Variants in NCKAP5 observed in about 807,000 individuals in gnomAD.
NCKAP5 encodes the protein NCK associated protein 5.
NCKAP5 carries 92 observed loss-of-function variants against 167.0 expected under a neutral mutation model. The observed-to-expected ratio is 0.55, with a 90% CI of 0.47 to 0.66. NCKAP5 has a LOEUF of 0.66. NCKAP5 is among the 30% of genes least tolerant of loss of function. The pLI is 0.00. For synonymous variants in NCKAP5, 891 were observed against 877.4 expected, an observed-to-expected ratio of 1.02 and a Z score of -0.27; for missense variants, 2,378 against 2,315.0, an observed-to-expected ratio of 1.03 and a Z score of -0.56.
At chr2:133,171,081 C>T (rs574917499) in intron 5 of NCKAP5, among the ~76,000 whole-genome samples, 6 of 152,116 alleles carry the variant, frequency 3.9e-5, no homozygotes, top group East Asian at 1.9e-4. Flanking sequence ...TACTTTCTCA[C>T]GCTAGAATTC....
intron 11 of NCKAP5, among the ~76,000 whole-genome samples, chr2:132,804,305 T>G (rs1419499060): frequency 1.3e-5 from 2 of 152,218 alleles, no homozygotes; most frequent in Non-Finnish European, 2.9e-5. Context: ...CAGCACAGCC[T>G]GAGCCTATTC....
chr2:132,740,382 TA>T (rs1355132921), intron 16 of NCKAP5, among the ~76,000 whole-genome samples: 4 of 152,136 alleles, frequency 2.6e-5, no homozygotes, highest in Admixed American at 2.6e-4. Context: ...AGCAGAAACT[TA>T]AACTACAGAT....
At chr2:132,960,081 G>T (rs541178495) in intron 8 of NCKAP5, among the ~76,000 whole-genome samples, 1 of 152,300 alleles carries the variant, frequency 6.6e-6, no homozygotes, top group South Asian at 2.1e-4. Flanking sequence ...ACCATGAAAA[G>T]CTGGCAACAG....
chr2:132,920,763 ATATGTATG>A (rs1558943135), intron 8 of NCKAP5, among the ~76,000 whole-genome samples: 2 of 69,262 alleles, frequency 2.9e-5, no homozygotes, highest in Non-Finnish European at 5.1e-5. Context: ...ATATGTATAT[ATATGTATG>A]TATATATATA....
At chr2:133,323,517 A>G (rs1682214792) in intron 3 of NCKAP5, among the ~76,000 whole-genome samples, 1 of 152,186 alleles carries the variant, frequency 6.6e-6, no homozygotes, top group South Asian at 2.1e-4. Flanking sequence ...AAGAGGAGAG[A>G]ATGATTATAT....
At chr2:133,377,584 G>A (rs1199179676) in intron 3 of NCKAP5, among the ~76,000 whole-genome samples, 1 of 151,760 alleles carries the variant, frequency 6.6e-6, no homozygotes. Flanking sequence ...CTAAGGTAGA[G>A]CAATTTGAAG....
chr2:132,920,719 G>GTTAGTT (rs1558942700), intron 8 of NCKAP5, among the ~76,000 whole-genome samples: 32 of 64,688 alleles, frequency 4.9e-4, no homozygotes, highest in African/African-American at 1.8e-3. Context: ...GTATATATAT[G>GTTAGTT]TATATATATA....
Position 133,027,185 on chromosome 2 carries a change from T to C in NCKAP5, c.342-32946A>G, listed in dbSNP as rs180995490. 5.9e-5 allele frequency among the ~76,000 whole-genome samples: 9 copies of C among 152,280 alleles called. No homozygotes were observed. The East Asian group carries it at 7.7e-4, about 13-fold the overall frequency. ...TTAATATGACTATGACAAGAAAACATGACAAGCGTCAAGGTCTGATGGTTC... is the reference window on the plus strand; with the variant it reads ...TTAATATGACTATGACAAGAAAACACGACAAGCGTCAAGGTCTGATGGTTC... On this transcript the variant is annotated intron_variant, in intron 6 of 19. Coordinates refer to ENST00000409261, the MANE Select transcript of NCKAP5 (RefSeq NM_207363.3).
chr2:133,305,147 C>G (rs1383306994), intron 3 of NCKAP5, among the ~76,000 whole-genome samples: 2 of 152,154 alleles, frequency 1.3e-5, no homozygotes, highest in Non-Finnish European at 2.9e-5. Context: ...GACAGTTAGG[C>G]AGGACCAAAT....
chr2:132,678,913 GT>G (rs1167824467), intron 19 of NCKAP5, among the ~76,000 whole-genome samples: 1 of 151,944 alleles, frequency 6.6e-6, no homozygotes, highest in Non-Finnish European at 1.5e-5. Context: ...TACATTAAAG[GT>G]TTTTTTGAAT....
intron 8 of NCKAP5, among the ~76,000 whole-genome samples, chr2:132,946,908 A>T (rs1211544127): frequency 2.6e-5 from 4 of 152,190 alleles, no homozygotes; most frequent in African/African-American, 9.6e-5. Flanking sequence ...AAAATAAAAA[A>T]GTTTGTATAT....
intron 3 of NCKAP5, among the ~76,000 whole-genome samples, chr2:133,443,989 T>G (rs1203410609): frequency 6.6e-6 from 1 of 152,248 alleles, no homozygotes; most frequent in Non-Finnish European, 1.5e-5. Context: ...AACAAGTGTA[T>G]GCTTTTGTGA....
intron 4 of NCKAP5, among the ~76,000 whole-genome samples, chr2:133,240,460 GC>G (rs898460808): frequency 1.3e-5 from 2 of 152,024 alleles, no homozygotes; most frequent in Admixed American, 6.6e-5. Context: ...CATCTCTGAT[GC>G]CCCCCAAAGT....
intron 2 of NCKAP5, among the ~76,000 whole-genome samples, chr2:133,526,142 A>C (rs1184827904): frequency 6.6e-6 from 1 of 150,706 alleles, no homozygotes; most frequent in African/African-American, 2.4e-5. Context: ...CAAAAGAAGA[A>C]GGGAGGAACA....
At chr2:133,485,619 T>A (rs1044214212) in intron 3 of NCKAP5, among the ~76,000 whole-genome samples, 5 of 152,166 alleles carry the variant, frequency 3.3e-5, no homozygotes, top group African/African-American at 1.2e-4. Flanking sequence ...CAGCTTCACA[T>A]AGAAAAAGTG....
At chr2:133,158,226 G>C (rs1449644884) in intron 5 of NCKAP5, among the ~76,000 whole-genome samples, 1 of 152,166 alleles carries the variant, frequency 6.6e-6, no homozygotes, top group Non-Finnish European at 1.5e-5. Context: ...TGCTGTCATT[G>C]TGTTCTTTGA....
chr2:133,466,112 A>G (rs1429140400), intron 3 of NCKAP5, among the ~76,000 whole-genome samples: 2 of 146,442 alleles, frequency 1.4e-5, no homozygotes, highest in African/African-American at 5.1e-5. Flanking sequence ...GGTAATGCCT[A>G]GGTTTTCTTC....
intron 10 of NCKAP5, among the ~76,000 whole-genome samples, chr2:132,864,646 G>A (rs1178933952): frequency 6.6e-6 from 1 of 152,190 alleles, no homozygotes; most frequent in East Asian, 1.9e-4. Flanking sequence ...GTATTGAAGA[G>A]TAAAATTGTT....
At position 132,783,763 on chromosome 2, in the gene NCKAP5, A is replaced by G. The variant is rs1162812889; in HGVS notation, c.3048T>C (p.Ile1016=). The G allele has an allele frequency of 1.3e-6, 2 of 1,589,218 alleles. No homozygotes were observed. The highest frequency in any genetic ancestry group is 1.7e-6 in the Non-Finnish European group (2 of 1,168,754). The change falls in exon 14 of 20, where the codon ATT becomes ATC. Residue 1016 remains isoleucine, a synonymous_variant. Transcript: ENST00000409261. ...THPMPSPEAV[I]QTRCPAHAPS... The stretch of plus-strand genomic sequence containing the variant: ...GGGCATGAGCAGGGCATCGGGTTTG[A>G]ATGACTGCTTCTGGGGAGGGCATAG...
Sources: gnomAD v4.1 joint callset for allele counts (sites outside exome capture counted in the v4.1 genomes callset) on GRCh38, gnomAD v4.1.1 for gene constraint, MANE v1.5 for transcripts, NCBI Gene and HGNC (gene_info 2026-07-23, HGNC 2026-07-21) for gene names.